The following ARMH1 variants were observed in gnomAD, a reference collection of about 807,000 sequenced individuals.
ARMH1 encodes the protein armadillo-like helical domain containing protein 1.
Under a neutral mutation model 50.2 loss-of-function variants are expected in ARMH1, and 34 were observed. The ratio of observed to expected loss-of-function variants is 0.68; its 90% CI spans 0.51 to 0.90. ARMH1 has a LOEUF of 0.90. Among genes scored for constraint, ARMH1 ranks in the 40% least tolerant of loss-of-function variants. ARMH1 has a pLI of 0.00. For synonymous variants in ARMH1, 221 were observed against 224.2 expected (o/e 0.99, Z 0.13); for missense variants, 538 against 553.9 (o/e 0.97, Z 0.29).
Position 44,725,133 on chromosome 1 carries a change from C to T in ARMH1, c.1129-3C>T, listed in dbSNP as rs1332573847. On this transcript the variant is annotated splice_polypyrimidine_tract_variant and splice_region_variant and intron_variant, in intron 10 of 11. Coordinates refer to ENST00000535358, the MANE Select transcript of ARMH1 (RefSeq NM_001145636.2). ...GCCGGGTCCCCCTTGCTCCTGTCCTCAGAGCAACGCTGAGGACTTGTACAT... is the reference window on the plus strand; with the variant it reads ...GCCGGGTCCCCCTTGCTCCTGTCCTTAGAGCAACGCTGAGGACTTGTACAT... 3 of 1,551,768 alleles carry T rather than the reference C, an allele frequency of 1.9e-6. No individual in the cohort carries two copies. Among genetic ancestry groups the T allele is most frequent in the Non-Finnish European group, 2.6e-6 (3 of 1,147,020 alleles).
intron 2 of ARMH1, among the ~76,000 whole-genome samples, chr1:44,691,312 C>T (rs760649413): frequency 5.3e-5 from 8 of 151,890 alleles, no homozygotes; most frequent in Non-Finnish European, 7.4e-5. Context: ...CCTGTCTCCA[C>T]TTCCTCTCCT....
intron 1 of ARMH1, among the ~76,000 whole-genome samples, chr1:44,679,960 A>G (rs1473281840): frequency 1.3e-5 from 2 of 152,212 alleles, no homozygotes; most frequent in Non-Finnish European, 2.9e-5. Flanking sequence ...TTTAAAGCAT[A>G]TTAGAGGAAG....
chr1:44,706,160 C>T (rs1646333770), intron 6 of ARMH1, among the ~76,000 whole-genome samples: 1 of 152,196 alleles, frequency 6.6e-6, no homozygotes, highest in African/African-American at 2.4e-5. Context: ...CGAAGATGGC[C>T]TGGGTGGTGC....
intron 6 of ARMH1, among the ~76,000 whole-genome samples, chr1:44,714,659 C>G (rs1646772791): frequency 6.6e-6 from 1 of 151,778 alleles, no homozygotes; most frequent in Non-Finnish European, 1.5e-5. Context: ...AGGAAGATGG[C>G]TGACACTGGT....
At position 44,724,280 on chromosome 1, in the gene ARMH1, G is replaced by A. The variant is rs1314851031; in HGVS notation, c.847+36G>A. 5 of 1,550,814 alleles carry A rather than the reference G, an allele frequency of 3.2e-6. No individual in the cohort carries two copies. The highest frequency in any genetic ancestry group is 1.4e-5 in the African/African-American group (1 of 73,016). ...GCTCAAATGGGGCTGCCTGGGCCAC[G>A]GGAGGGCGGTCTCTTGCCTCACGGC... On this transcript the variant is annotated intron_variant, in intron 7 of 11. Coordinates refer to ENST00000535358, the MANE Select transcript of ARMH1 (RefSeq NM_001145636.2). This position sits in a 1 kb window ranked among gnomAD's most constrained non-coding sequence, Gnocchi z 6.4.
In ARMH1 at chr1:44,724,916, C is replaced by T. The variant is rs1444509197; in HGVS notation, c.1128+77C>T. 3 of 1,508,472 alleles carry T rather than the reference C, an allele frequency of 2.0e-6. No homozygotes were observed. Among genetic ancestry groups the T allele is most frequent in the African/African-American group, 1.4e-5 (1 of 72,412 alleles). The allele number at this position is 1,508,472 out of a possible 1,614,324, so 93.4% of individuals were successfully genotyped here. On this transcript the variant is annotated intron_variant, in intron 10 of 11. Transcript: ENST00000535358. The surrounding 1 kb of genome is among the most constrained non-coding windows in gnomAD (Gnocchi z 6.4). Reference sequence around the variant, plus strand: ...GTGTGATGCCCCTTCAGACAGTCCCCATCCTGGAGCGCGCCACATGCAGAG... The same window carrying T: ...GTGTGATGCCCCTTCAGACAGTCCCTATCCTGGAGCGCGCCACATGCAGAG...
intron 2 of ARMH1, among the ~76,000 whole-genome samples, chr1:44,691,490 A>C (rs1014528553): frequency 6.6e-6 from 1 of 151,974 alleles, no homozygotes; most frequent in African/African-American, 2.4e-5. Flanking sequence ...CCCACTTCTC[A>C]AAACACTCCT....
Position 44,698,205 on chromosome 1 carries a change from A to G in ARMH1, c.418A>G (p.Lys140Glu), listed in dbSNP as rs1463582221. Residue 140 changes from lysine (K) to glutamate (E), a missense_variant, in exon 4 of 12, where the codon AAG becomes GAG. Lys to Glu is a moderately conservative substitution (Grantham distance 56). Coordinates refer to ENST00000535358, the MANE Select transcript of ARMH1 (RefSeq NM_001145636.2). ...TATTGCGAACTCTGGCAGGACATAC[A>G]AGGAACTCATTTGTGAAAGCTATGG... ...QVIANSGRTYKELICESYGVR... is the reference protein window; with the variant it reads ...QVIANSGRTYEELICESYGVR... 7 of 1,552,174 alleles carry G rather than the reference A, an allele frequency of 4.5e-6. No individual in the cohort carries two copies. Among genetic ancestry groups the G allele is most frequent in the Admixed American group, 3.9e-5 (2 of 50,992 alleles).
At chr1:44,684,005 CAG>C (rs549354195) in intron 1 of ARMH1, among the ~76,000 whole-genome samples, 14 of 150,264 alleles carry the variant, frequency 9.3e-5, no homozygotes, top group East Asian at 1.9e-4. Flanking sequence ...AAAACAACCA[CAG>C]AGAGAGAGAG....
intron 1 of ARMH1, among the ~76,000 whole-genome samples, chr1:44,676,850 G>A (rs1433268418): frequency 1.3e-5 from 2 of 152,180 alleles, no homozygotes; most frequent in African/African-American, 2.4e-5. Flanking sequence ...TTTTTATTCG[G>A]ATGGAAGAAA....
At chr1:44,707,306 C>T (rs997255816) in intron 6 of ARMH1, among the ~76,000 whole-genome samples, 3 of 152,148 alleles carry the variant, frequency 2.0e-5, no homozygotes, top group African/African-American at 2.4e-5. Context: ...TTAGTGATTA[C>T]TCACCTCTAT....
Position 44,724,399 on chromosome 1 carries a change from G to T in ARMH1, c.920+7G>T, listed in dbSNP as rs1647907325. 6.5e-7 allele frequency: 1 copy of T among 1,549,086 alleles called. No individual in the cohort carries two copies. Among genetic ancestry groups the T allele is most frequent in the Non-Finnish European group, 8.7e-7 (1 of 1,146,788 alleles). ...CGGCCGCCAAGGCCATCGGGTAAGCGGGCAGGGGTTAGTGGGTAGCTGCAG... is the reference window on the plus strand; with the variant it reads ...CGGCCGCCAAGGCCATCGGGTAAGCTGGCAGGGGTTAGTGGGTAGCTGCAG... On this transcript the variant is annotated splice_region_variant and intron_variant, in intron 8 of 11. Coordinates refer to ENST00000535358, the MANE Select transcript of ARMH1 (RefSeq NM_001145636.2). The surrounding 1 kb of genome is among the most constrained non-coding windows in gnomAD (Gnocchi z 6.4).
At chr1:44,722,830 C>A (rs1264036842) in intron 6 of ARMH1, among the ~76,000 whole-genome samples, 1 of 147,534 alleles carries the variant, frequency 6.8e-6, no homozygotes, top group African/African-American at 2.5e-5. Context: ...GAGGCCGAGG[C>A]GCGTGGATCA....
intron 6 of ARMH1, among the ~76,000 whole-genome samples, chr1:44,720,468 G>A (rs918427385): frequency 3.9e-5 from 6 of 152,194 alleles, no homozygotes; most frequent in Admixed American, 3.9e-4. Flanking sequence ...TATGGAGCAT[G>A]CATTGTGTAC....
intron 6 of ARMH1, among the ~76,000 whole-genome samples, chr1:44,718,228 C>T (rs1448498787): frequency 6.6e-6 from 1 of 152,182 alleles, no homozygotes; most frequent in East Asian, 1.9e-4. Context: ...TGGGCACAGG[C>T]AGACATTTGC....
chr1:44,690,159 A>T (rs986951498), intron 2 of ARMH1, among the ~76,000 whole-genome samples: 1 of 152,138 alleles, frequency 6.6e-6, no homozygotes, highest in Non-Finnish European at 1.5e-5. Context: ...CAGAGGTTGC[A>T]GTGAGCCGAG....
chr1:44,716,018 ACCTCCTCCT>A (rs1473396560), intron 6 of ARMH1, among the ~76,000 whole-genome samples: 1 of 151,902 alleles, frequency 6.6e-6, no homozygotes, highest in African/African-American at 2.4e-5. Context: ...TCCTGATGAT[ACCTCCTCCT>A]TGAATACTCT....
chr1:44,718,796 A>G (rs1646955646), intron 6 of ARMH1, among the ~76,000 whole-genome samples: 1 of 152,160 alleles, frequency 6.6e-6, no homozygotes, highest in Non-Finnish European at 1.5e-5. Flanking sequence ...AGGCCGAGGC[A>G]GGCGGATCAC....
intron 1 of ARMH1, among the ~76,000 whole-genome samples, chr1:44,677,109 A>G (rs771012755): frequency 6.6e-6 from 1 of 152,226 alleles, no homozygotes; most frequent in Non-Finnish European, 1.5e-5. Flanking sequence ...AGAACATTAT[A>G]TCAGCCAGTG....
Sources: gnomAD v4.1 joint callset for allele counts (sites outside exome capture counted in the v4.1 genomes callset) on GRCh38, gnomAD v4.1.1 for gene constraint, Gnocchi (gnomAD v3.1) non-coding constraint, MANE v1.5 for transcripts, NCBI Gene and HGNC (gene_info 2026-07-23, HGNC 2026-07-21) for gene names.